Variants in QKI observed in about 807,000 individuals in gnomAD.
QKI encodes QKI, KH domain containing RNA binding.
A neutral mutation model predicts 39.0 loss-of-function variants in QKI; 10 were observed. The ratio of observed to expected loss-of-function variants is 0.26; its 90% CI spans 0.16 to 0.43. QKI has a LOEUF of 0.43. QKI is among the 20% of genes least tolerant of loss of function. The pLI, the probability that QKI is intolerant of heterozygous loss-of-function variation, is 1.00. For missense variants in QKI, 218 were observed against 428.0 expected (o/e 0.51, Z 4.33); for synonymous variants, 204 against 155.4 (o/e 1.31, Z -2.33).
chr6:163,511,977 A>AT (rs1406381834), intron 3 of QKI, among the ~76,000 whole-genome samples: 3 of 75,308 alleles, frequency 4.0e-5, no homozygotes, highest in Admixed American at 3.4e-4. Flanking sequence ...TAAATTAACG[A>AT]TAAAAAAAGA....
chr6:163,551,460 TAGTC>T (rs1267004495), intron 4 of QKI, among the ~76,000 whole-genome samples: 4 of 152,256 alleles, frequency 2.6e-5, no homozygotes, highest in Non-Finnish European at 4.4e-5. Context: ...TTCAAGATTT[TAGTC>T]AGTAATTTGT....
At chr6:163,428,229 G>C (rs1300794968) in intron 1 of QKI, among the ~76,000 whole-genome samples, 1 of 152,038 alleles carries the variant, frequency 6.6e-6, no homozygotes, top group African/African-American at 2.4e-5. Flanking sequence ...ACTATATGTT[G>C]GTATGTTGAC....
At chr6:163,454,118 G>T (rs757841994) in intron 1 of QKI, among the ~76,000 whole-genome samples, 1 of 152,036 alleles carries the variant, frequency 6.6e-6, no homozygotes, top group Non-Finnish European at 1.5e-5. Context: ...TCCCAAGGAG[G>T]ACACAGTCTG....
chr6:163,502,402 C>T (rs1371226418), intron 3 of QKI, among the ~76,000 whole-genome samples: 2 of 152,056 alleles, frequency 1.3e-5, no homozygotes. Context: ...CATTTAGAAG[C>T]CTTGTAGACT....
At chr6:163,548,339 G>A (rs74662347) in intron 4 of QKI, among the ~76,000 whole-genome samples, 1 of 141,088 alleles carries the variant, frequency 7.1e-6, no homozygotes, top group Admixed American at 7.2e-5. Context: ...AGCACTTGTT[G>A]TTTGCTTTTC....
At chr6:163,505,708 A>G (rs953406184) in intron 3 of QKI, among the ~76,000 whole-genome samples, 2 of 152,160 alleles carry the variant, frequency 1.3e-5, no homozygotes, top group African/African-American at 4.8e-5. Context: ...TTTTGATTCT[A>G]CAGGCTCATG....
At chr6:163,473,607 T>C (rs1246472660) in intron 2 of QKI, among the ~76,000 whole-genome samples, 1 of 152,194 alleles carries the variant, frequency 6.6e-6, no homozygotes, top group Admixed American at 6.5e-5. Context: ...GCATCTATTT[T>C]AAATCAACAA....
At chr6:163,497,231 C>A (rs1430834534) in intron 3 of QKI, among the ~76,000 whole-genome samples, 1 of 151,954 alleles carries the variant, frequency 6.6e-6, no homozygotes, top group Non-Finnish European at 1.5e-5. Context: ...TAGATATTTG[C>A]CATTTTGTGC....
chr6:163,465,199 A>G (rs995137251), intron 2 of QKI, among the ~76,000 whole-genome samples: 4 of 152,204 alleles, frequency 2.6e-5, no homozygotes, highest in African/African-American at 4.8e-5. Context: ...AATAAAGGCT[A>G]TGTGTGACAG....
chr6:163,442,392 A>G (rs912337821), intron 1 of QKI, among the ~76,000 whole-genome samples: 16 of 152,318 alleles, frequency 1.1e-4, no homozygotes, highest in African/African-American at 3.6e-4. Context: ...GGCTCCTCCA[A>G]TTAATTTTTA....
intron 1 of QKI, among the ~76,000 whole-genome samples, chr6:163,434,446 A>T (rs1261980348): frequency 6.6e-6 from 1 of 152,194 alleles, no homozygotes; most frequent in Non-Finnish European, 1.5e-5. Context: ...CAAGTTTGTT[A>T]AAAAATAAAT....
At chr6:163,561,908 C>T (rs1783045786) in intron 4 of QKI, 74 bp from the exon 5 acceptor site, 2 of 1,159,750 alleles carry the variant, frequency 1.7e-6, no homozygotes, top group Admixed American at 2.2e-5. Context: ...TACTTTAAGG[C>T]TTGTGTGTAG....
At chr6:163,509,233 A>G (rs1037354650) in intron 3 of QKI, among the ~76,000 whole-genome samples, 6 of 152,192 alleles carry the variant, frequency 3.9e-5, no homozygotes, top group Non-Finnish European at 8.8e-5. Flanking sequence ...CTTAAAAATA[A>G]AGGTGAAAGA....
intron 1 of QKI, among the ~76,000 whole-genome samples, chr6:163,440,520 C>T (rs1789685127): frequency 6.6e-6 from 1 of 152,192 alleles, no homozygotes; most frequent in African/African-American, 2.4e-5. Flanking sequence ...TTTGTATCTC[C>T]TAGCCATATA....
rs566720065 is a variant in QKI at position 163,424,200 on chromosome 6, A to G, written c.142+8865A>G. Among the ~76,000 whole-genome samples, 106 of 151,988 alleles carry G rather than the reference A, an allele frequency of 7.0e-4. 1 individual carries two copies. The highest frequency in any genetic ancestry group is 1.1e-3 in the Non-Finnish European group (73 of 67,950). On this transcript the variant is annotated intron_variant, in intron 1 of 7. Transcript: ENST00000361752. The stretch of plus-strand genomic sequence containing the variant: ...TGGCAGGTGAATACATTTTTTTAAG[A>G]AAAAAAAATTTCAAACTGGGATCAA...
chr6:163,435,384 A>C (rs527971597), intron 1 of QKI, among the ~76,000 whole-genome samples: 8 of 152,322 alleles, frequency 5.3e-5, no homozygotes, highest in African/African-American at 1.9e-4. Context: ...ATTTAATCGC[A>C]AACTGGCAGC....
chr6:163,485,084 A>G (rs1777566977), intron 3 of QKI, among the ~76,000 whole-genome samples: 1 of 152,248 alleles, frequency 6.6e-6, no homozygotes, highest in South Asian at 2.1e-4. Context: ...TCACAATATC[A>G]TACTATCATT....
intron 1 of QKI, among the ~76,000 whole-genome samples, chr6:163,438,797 T>C (rs1389018777): frequency 2.0e-5 from 3 of 152,164 alleles, no homozygotes; most frequent in East Asian, 1.9e-4. Context: ...TTAATAAACA[T>C]TGTATTCTTA....
chr6:163,432,163 A>G (rs937218747), intron 1 of QKI, among the ~76,000 whole-genome samples: 4 of 152,196 alleles, frequency 2.6e-5, no homozygotes, highest in African/African-American at 9.7e-5. Flanking sequence ...TGCTGGAAGT[A>G]TCTACCCAGG....
Sources: gnomAD v4.1 joint callset for allele counts (sites outside exome capture counted in the v4.1 genomes callset) on GRCh38, gnomAD v4.1.1 for gene constraint, MANE v1.5 for transcripts, NCBI Gene and HGNC (gene_info 2026-07-23, HGNC 2026-07-21) for gene names.